The following LRRC61 variants were observed in gnomAD, a reference collection of about 807,000 sequenced individuals.
LRRC61 encodes leucine-rich repeat-containing protein 61.
A neutral mutation model predicts 15.1 loss-of-function variants in LRRC61; 9 were observed. The ratio of observed to expected loss-of-function variants is 0.60; its 90% CI spans 0.36 to 1.04. The LOEUF (loss-of-function observed/expected upper bound fraction) is 1.04. Among genes scored for constraint, LRRC61 ranks in the 50% least tolerant of loss-of-function variants. The probability of loss-of-function intolerance (pLI) is 0.01; values close to 1 mark genes in which losing one functional copy is unlikely to be tolerated. For synonymous variants in LRRC61, 173 were observed against 158.6 expected (o/e 1.09, Z -0.68); for missense variants, 344 against 335.6 (o/e 1.03, Z -0.20).
the LRRC61 span, among the ~76,000 whole-genome samples, chr7:150,316,935 T>C: frequency 6.6e-6 from 1 of 152,242 alleles, no homozygotes; most frequent in Non-Finnish European, 1.5e-5. Flanking sequence ...GTCTTCTTTT[T>C]GTTGTCTTTA....
chr7:150,334,221 A>G (rs922119197), intron 2 of LRRC61, among the ~76,000 whole-genome samples: 1 of 152,062 alleles, frequency 6.6e-6, no homozygotes, highest in Non-Finnish European at 1.5e-5. Context: ...CTGCAGTCCC[A>G]CTGTGGCCTC....
intron 2 of LRRC61, chr7:150,328,680 T>C (rs1798019111): frequency 6.6e-6 from 1 of 152,266 alleles, no homozygotes; most frequent in South Asian, 2.1e-4. Flanking sequence ...GGACGCTGGC[T>C]GTGCACACCA....
intron 2 of LRRC61, chr7:150,331,369 C>CTG: frequency 2.3e-6 from 1 of 437,174 alleles, no homozygotes; most frequent in Non-Finnish European, 4.2e-6. Flanking sequence ...GAGCCCCTGC[C>CTG]TGTAATAGGT....
chr7:150,323,956 G>T (rs1361180070), intron 1 of LRRC61, among the ~76,000 whole-genome samples: 1 of 152,214 alleles, frequency 6.6e-6, no homozygotes, highest in East Asian at 1.9e-4. Flanking sequence ...GTTTGTAACA[G>T]ATCTCACTTT....
chr7:150,320,706 T>C (rs1036072290), upstream of LRRC61, among the ~76,000 whole-genome samples: 5 of 152,192 alleles, frequency 3.3e-5, no homozygotes, highest in Non-Finnish European at 7.3e-5. Flanking sequence ...GAGGTTGCAG[T>C]GAGCCGAGAT....
At chr7:150,317,208 C>T in the LRRC61 span, among the ~76,000 whole-genome samples, 1 of 151,900 alleles carries the variant, frequency 6.6e-6, no homozygotes, top group Non-Finnish European at 1.5e-5. Flanking sequence ...TGCAGCATGC[C>T]CGGCTAATTT....
upstream of LRRC61, among the ~76,000 whole-genome samples, chr7:150,322,341 T>C (rs181470877): frequency 6.6e-6 from 1 of 152,366 alleles, no homozygotes; most frequent in African/African-American, 2.4e-5. Flanking sequence ...ATACAGGTCA[T>C]ACAGACCTTG....
Position 150,337,635 on chromosome 7 carries a change from C to G in LRRC61, c.774C>G (p.Val258=). 6.6e-7 allele frequency: 1 copy of G among 1,523,018 alleles called. No individual in the cohort carries two copies. Among genetic ancestry groups the G allele is most frequent in the East Asian group, 2.3e-5 (1 of 44,034 alleles). The allele number at this position is 1,523,018 out of a possible 1,614,324, so 94.3% of individuals were successfully genotyped here. A position where few individuals can be genotyped will look rare whatever the true frequency, so the allele number is the denominator to read the frequency against. The change falls in exon 3 of 3, where the codon GTC becomes GTG. Residue 258 remains valine, a synonymous_variant. Coordinates refer to ENST00000359623, the MANE Select transcript of LRRC61 (RefSeq NM_001142928.2). ...CTGCGGGCCCCACCTCTTCCTTCGTCTTCTGAACGTGGCCTATGGCCCAGG... is the reference window on the plus strand; with the variant it reads ...CTGCGGGCCCCACCTCTTCCTTCGTGTTCTGAACGTGGCCTATGGCCCAGG... ...LSSAGPTSSF[V]F
the LRRC61 span, among the ~76,000 whole-genome samples, chr7:150,315,818 C>T: frequency 6.8e-6 from 1 of 147,702 alleles, no homozygotes; most frequent in Non-Finnish European, 1.5e-5. Context: ...CACAAACACT[C>T]CCAACACTAT....
At chr7:150,314,771 C>CAA in the LRRC61 span, among the ~76,000 whole-genome samples, 2 of 90,356 alleles carry the variant, frequency 2.2e-5, no homozygotes, top group East Asian at 2.8e-4. Flanking sequence ...CCCATCTCTC[C>CAA]AAAAAAAAAA....
In LRRC61 at chr7:150,336,894, T is replaced by C. The variant is rs981090616; in HGVS notation, c.33T>C (p.Ala11=). 1 of 1,606,362 alleles carries C rather than the reference T, an allele frequency of 6.2e-7. No individual in the cohort carries two copies. Among genetic ancestry groups the C allele is most frequent in the East Asian group, 2.2e-5 (1 of 44,890 alleles). ...CTCCAGCGGAGAAGCCGGGAGAGGCTGGCGGACTGCAGATCACACCCCAGC... is the reference window on the plus strand; with the variant it reads ...CTCCAGCGGAGAAGCCGGGAGAGGCCGGCGGACTGCAGATCACACCCCAGC... MDPPAEKPGE[A]GGLQITPQLL... is the part of the protein sequence containing the mutation. Residue 11 remains alanine (A), a synonymous_variant, in exon 3 of 3, where the codon GCT becomes GCC. Coordinates refer to ENST00000359623, the MANE Select transcript of LRRC61 (RefSeq NM_001142928.2).
intron 2 of LRRC61, among the ~76,000 whole-genome samples, chr7:150,327,845 C>A (rs531348195): frequency 4.3e-4 from 64 of 149,368 alleles, no homozygotes; most frequent in African/African-American, 1.3e-3. Context: ...AAGTTTCTTG[C>A]ACTTGCGTAA....
rs577574378 is a variant in LRRC61 at position 150,335,044 on chromosome 7, A to G, written c.-144-1674A>G. On this transcript the variant is annotated intron_variant, in intron 2 of 2. Coordinates refer to ENST00000359623, the MANE Select transcript of LRRC61 (RefSeq NM_001142928.2). The surrounding 1 kb of genome is among the most constrained non-coding windows in gnomAD (Gnocchi z 4.3). ...AAACTCTGTCTCAAAAAAAAAAAAA[A>G]AAAAGAAAAAAAGGAGCCCCTGGCA... is the stretch of plus-strand genomic sequence containing the variant. Among the ~76,000 whole-genome samples the G allele has an allele frequency of 1.2e-3, 182 of 151,708 alleles. No homozygotes were observed. Among genetic ancestry groups the G allele is most frequent in the Non-Finnish European group, 1.4e-3 (95 of 67,894 alleles).
At chr7:150,323,615 G>T (rs775703224) in intron 1 of LRRC61, 55 bp downstream of exon 1, 1 of 453,942 alleles carries the variant, frequency 2.2e-6, no homozygotes, top group Non-Finnish European at 4.4e-6. Flanking sequence ...GTCGGGGCCC[G>T]TGCCGGCCCC....
chr7:150,321,401 T>C (rs143575344), upstream of LRRC61, among the ~76,000 whole-genome samples: 1 of 152,334 alleles, frequency 6.6e-6, no homozygotes, highest in Admixed American at 6.5e-5. Flanking sequence ...ATGGAGAAAC[T>C]AATACTTCCA....
At chr7:150,311,407 C>T in the LRRC61 span, among the ~76,000 whole-genome samples, 3 of 152,206 alleles carry the variant, frequency 2.0e-5, no homozygotes, top group African/African-American at 7.2e-5. Context: ...GAGGCCCTCA[C>T]AATCACAAGC....
In LRRC61 at chr7:150,330,238, T is replaced by C. The variant is rs1798063478; in HGVS notation, c.-145+4228T>C. On this transcript the variant is annotated intron_variant, in intron 2 of 2. Coordinates refer to ENST00000359623, the MANE Select transcript of LRRC61 (RefSeq NM_001142928.2). The surrounding 1 kb of genome is among the most constrained non-coding windows in gnomAD (Gnocchi z 4.6). ...GCCCACCAGCCCTTTGAGGAGCTCT[T>C]GGACCACTGGGTCTCGGCCTACCAC... is the stretch of plus-strand genomic sequence containing the variant. 2 of 611,388 alleles carry C rather than the reference T, an allele frequency of 3.3e-6. No individual in the cohort carries two copies. The highest frequency in any genetic ancestry group is 5.7e-5 in the Admixed American group (2 of 35,184). The allele number at this position is 611,388 out of a possible 1,614,324, so 37.9% of individuals were successfully genotyped here.
the LRRC61 span, among the ~76,000 whole-genome samples, chr7:150,313,998 G>A: frequency 2.0e-5 from 3 of 152,354 alleles, no homozygotes; most frequent in South Asian, 6.2e-4. Context: ...TGCACAGGAC[G>A]GAGCTCTTCT....
intron 2 of LRRC61, among the ~76,000 whole-genome samples, chr7:150,334,937 G>A (rs190122169): frequency 4.0e-5 from 6 of 151,574 alleles, no homozygotes; most frequent in South Asian, 4.1e-4. Flanking sequence ...CAGGAGAATC[G>A]CTTGAACCCA....
Sources: allele counts gnomAD v4.1 joint callset (sites outside exome capture counted in the v4.1 genomes callset), GRCh38; gene constraint gnomAD v4.1.1; non-coding constraint Gnocchi (gnomAD v3.1); transcripts MANE v1.5; gene names NCBI Gene and HGNC (gene_info 2026-07-23, HGNC 2026-07-21).